Variants in ENPP3 observed in about 807,000 individuals in gnomAD.
ENPP3 encodes ectonucleotide pyrophosphatase/phosphodiesterase 3.
ENPP3 carries 104 observed loss-of-function variants against 117.8 expected under a neutral mutation model. That is an observed-to-expected ratio of 0.88 (90% CI 0.75 to 1.04). ENPP3 has a LOEUF of 1.04. Ranked by LOEUF, ENPP3 falls within the 50% of genes least tolerant of loss-of-function variation. The pLI, the probability that ENPP3 is intolerant of heterozygous loss-of-function variation, is 0.00. For synonymous variants in ENPP3, 380 were observed against 349.9 expected (o/e 1.09, Z -0.96); for missense variants, 1,026 against 1,051.9 (o/e 0.98, Z 0.34).
chr6:131,720,707 A>G (rs1011959566), intron 17 of ENPP3, among the ~76,000 whole-genome samples: 2 of 152,142 alleles, frequency 1.3e-5, no homozygotes, highest in Non-Finnish European at 2.9e-5. Flanking sequence ...TCAGCTTCCC[A>G]AGTAGCTGGG....
At chr6:131,707,262 T>A (rs1290862937) in intron 15 of ENPP3, among the ~76,000 whole-genome samples, 2 of 150,690 alleles carry the variant, frequency 1.3e-5, no homozygotes, top group Admixed American at 6.7e-5. Flanking sequence ...AGTCCTTTGT[T>A]ATGTGTGTTT....
chr6:131,674,338 G>C, intron 8 of ENPP3, 57 bp downstream of exon 8: 1 of 1,557,600 alleles, frequency 6.4e-7, no homozygotes, highest in Non-Finnish European at 8.9e-7. Context: ...AGTGTGACAG[G>C]AGGACACTCT....
chr6:131,685,423 A>T lies in ENPP3; in HGVS notation c.1180A>T (p.Asn394Tyr), dbSNP rs759636323. 28 of 1,613,448 alleles carry T rather than the reference A, an allele frequency of 1.7e-5. No homozygotes were observed. Among genetic ancestry groups the T allele is most frequent in the Non-Finnish European group, 2.3e-5 (27 of 1,179,454 alleles). Residue 394 changes from asparagine to tyrosine, a missense_variant, in exon 13 of 25, where the codon AAC (asparagine) becomes TAC (tyrosine). Transcript: ENST00000357639. ...CATGACTGATTATTTTCCCAGAATAAACTTCTTCTACATGTACGAAGGGCC... is the reference window on the plus strand; with the variant it reads ...CATGACTGATTATTTTCCCAGAATATACTTCTTCTACATGTACGAAGGGCC... Reference protein sequence around the residue: ...EYMTDYFPRINFFYMYEGPAP... With the variant: ...EYMTDYFPRIYFFYMYEGPAP...
chr6:131,641,323 A>G, intron 1 of ENPP3, 132 bp from the exon 2 acceptor site: 1 of 505,464 alleles, frequency 2.0e-6, no homozygotes, highest in Non-Finnish European at 3.6e-6. Flanking sequence ...ATACTAGATC[A>G]TTGTTGGATC....
chr6:131,654,355 G>A (rs1778336867), intron 5 of ENPP3, among the ~76,000 whole-genome samples: 2 of 142,068 alleles, frequency 1.4e-5, no homozygotes. Flanking sequence ...TGCCCAGACT[G>A]GACTCGAACT....
At chr6:131,695,178 CTG>C (rs1429993875) in intron 15 of ENPP3, among the ~76,000 whole-genome samples, 1 of 152,116 alleles carries the variant, frequency 6.6e-6, no homozygotes, top group African/African-American at 2.4e-5. Flanking sequence ...GTACATACAA[CTG>C]TTAGTAATTT....
At chr6:131,670,924 T>G (rs906954199) in intron 6 of ENPP3, among the ~76,000 whole-genome samples, 1 of 152,228 alleles carries the variant, frequency 6.6e-6, no homozygotes, top group African/African-American at 2.4e-5. Context: ...GTTTATTTAT[T>G]GTCTATGGAT....
intron 15 of ENPP3, among the ~76,000 whole-genome samples, chr6:131,701,941 T>C (rs1779546637): frequency 6.6e-6 from 1 of 152,096 alleles, no homozygotes; most frequent in Non-Finnish European, 1.5e-5. Context: ...CATAGGTTTC[T>C]TTTTTATTAC....
Position 131,740,339 on chromosome 6 carries a change from T to A in ENPP3, c.2416T>A (p.Phe806Ile), listed in dbSNP as rs763491000. 6.2e-7 allele frequency: 1 copy of A among 1,611,734 alleles called. No individual in the cohort carries two copies. Among genetic ancestry groups the A allele is most frequent in the Non-Finnish European group, 8.5e-7 (1 of 1,178,854 alleles). Residue 806 changes from phenylalanine (F) to isoleucine (I), a missense_variant, in exon 24 of 25, where the codon TTT becomes ATT. Transcript: ENST00000357639. Reference protein sequence around the residue: ...NCPGWLDVLPFIIPHRPTNVE... With the variant: ...NCPGWLDVLPIIIPHRPTNVE... ...CCCTGGGTGGCTGGATGTCCTACCC[T>A]TTATCATCCCTCACCGACCTACCAA...
intron 24 of ENPP3, among the ~76,000 whole-genome samples, chr6:131,746,016 G>A (rs2114592221): frequency 6.6e-6 from 1 of 151,968 alleles, no homozygotes; most frequent in African/African-American, 2.4e-5. Context: ...AGCTACTTGG[G>A]AGGCTGAGGC....
At position 131,637,942 on chromosome 6, in the gene ENPP3, A is replaced by G. The variant is rs561947185; in HGVS notation, c.78+480A>G. On this transcript the variant is annotated intron_variant, in intron 1 of 24. Transcript: ENST00000357639. ...CCACCCCCCCTCACCCCCCAAATAA[A>G]TTTTCCTTGATTTTATTTTCTTTTT... Among the ~76,000 whole-genome samples, 3 of 147,462 alleles carry G rather than the reference A, an allele frequency of 2.0e-5. No homozygotes were observed. The East Asian group carries it at 6.0e-4, about 29-fold the overall frequency.
chr6:131,678,933 CTTTCTTTCTTTCTTTCTTTCTTTCT>C (rs1778937741), intron 11 of ENPP3, among the ~76,000 whole-genome samples: 4 of 82,610 alleles, frequency 4.8e-5, no homozygotes, highest in African/African-American at 3.8e-4. Context: ...TTCTTTCTTT[CTTTCTTTCTTTCTTTCTTTCTTTCT>C]TTCCTTCCTT....
chr6:131,666,383 G>T (rs1778617493), intron 6 of ENPP3, among the ~76,000 whole-genome samples: 1 of 151,954 alleles, frequency 6.6e-6, no homozygotes, highest in Non-Finnish European at 1.5e-5. Flanking sequence ...CCTGGATCTG[G>T]TTGCCCATTT....
At chr6:131,703,287 GA>G (rs1779578788) in intron 15 of ENPP3, among the ~76,000 whole-genome samples, 2 of 133,914 alleles carry the variant, frequency 1.5e-5, no homozygotes, top group African/African-American at 6.6e-5. Flanking sequence ...AAATTTTAAA[GA>G]AAAAAAGTGC....
At chr6:131,640,064 T>C (rs1256168952) in intron 1 of ENPP3, among the ~76,000 whole-genome samples, 2 of 152,158 alleles carry the variant, frequency 1.3e-5, no homozygotes, top group Non-Finnish European at 2.9e-5. Context: ...AATACAAAAA[T>C]TATGAAGAAA....
At chr6:131,743,986 T>C (rs1234034231) in intron 24 of ENPP3, among the ~76,000 whole-genome samples, 1 of 152,220 alleles carries the variant, frequency 6.6e-6, no homozygotes, top group Non-Finnish European at 1.5e-5. Flanking sequence ...GTAATTGTGC[T>C]TTGATGCACC....
At chr6:131,679,028 T>TC (rs1359674227) in intron 11 of ENPP3, among the ~76,000 whole-genome samples, 141 of 84,644 alleles carry the variant, frequency 1.7e-3, no homozygotes, top group African/African-American at 2.3e-3. Flanking sequence ...CTTCCTTCCT[T>TC]CTTTCTTTCT....
At chr6:131,734,571 CA>C (rs1345542856) in intron 21 of ENPP3, among the ~76,000 whole-genome samples, 1 of 151,816 alleles carries the variant, frequency 6.6e-6, no homozygotes, top group East Asian at 1.9e-4. Flanking sequence ...CAGGGGGTAC[CA>C]AATTTATGTA....
intron 15 of ENPP3, among the ~76,000 whole-genome samples, chr6:131,714,112 C>A (rs1779842371): frequency 6.6e-6 from 1 of 151,942 alleles, no homozygotes; most frequent in Non-Finnish European, 1.5e-5. Flanking sequence ...TTATTGAATA[C>A]TGTACTGAAA....
Sources: allele counts gnomAD v4.1 joint callset (sites outside exome capture counted in the v4.1 genomes callset), GRCh38; gene constraint gnomAD v4.1.1; transcripts MANE v1.5; gene names NCBI Gene and HGNC (gene_info 2026-07-23, HGNC 2026-07-21).